IGF1R: variants seen among roughly 807,000 people sequenced by gnomAD.
IGF1R encodes insulin-like growth factor 1 receptor.
In IGF1R, 44 loss-of-function variants were observed where a neutral mutation model predicts 144.6. The observed-to-expected ratio is 0.30, with a 90% CI of 0.24 to 0.39. The LOEUF (loss-of-function observed/expected upper bound fraction) is 0.39. IGF1R is among the 10% of genes least tolerant of loss of function. The pLI is 1.00. For missense variants in IGF1R, 1,355 were observed against 1,833.7 expected (o/e 0.74, Z 4.77); for synonymous variants, 795 against 722.8 (o/e 1.10, Z -1.60).
chr15:98,658,580 C>G (rs950387634), intron 1 of IGF1R, among the ~76,000 whole-genome samples: 1 of 152,188 alleles, frequency 6.6e-6, no homozygotes, highest in Non-Finnish European at 1.5e-5. Context: ...AAGATCATAA[C>G]TTTCAAAAGG....
chr15:98,828,991 G>A (rs1414391528), intron 2 of IGF1R, among the ~76,000 whole-genome samples: 5 of 152,090 alleles, frequency 3.3e-5, no homozygotes, highest in African/African-American at 1.2e-4. Flanking sequence ...AGTTACAACT[G>A]TCGGTCTAAT....
In IGF1R at chr15:98,960,894, C is replaced by T. The variant is rs1322635379; in HGVS notation, c.*3452C>T. 6 of 233,424 alleles carry T rather than the reference C, an allele frequency of 2.6e-5. No homozygotes were observed. The highest frequency in any genetic ancestry group is 1.8e-4 in the South Asian group (1 of 5,520). The allele number at this position is 233,424 out of a possible 1,614,324, so 14.5% of individuals were successfully genotyped here. A position where few individuals can be genotyped will look rare whatever the true frequency, so the allele number is the denominator to read the frequency against. On this transcript the variant is annotated 3_prime_UTR_variant, in exon 21 of 21. Transcript: ENST00000650285. ...AAGCCCAGTGGCCGGCGCCGAGGCT[C>T]GTGGCGTCACGCCCCCCCCGCCAGG...
chr15:98,884,683 C>CAAAAAAA (rs35707888), intron 2 of IGF1R, among the ~76,000 whole-genome samples: 1 of 80,226 alleles, frequency 1.2e-5, no homozygotes, highest in Non-Finnish European at 2.3e-5. Context: ...CACTCCGTCT[C>CAAAAAAA]AAAAAAAAAA....
chr15:98,702,442 G>C (rs913457936), intron 1 of IGF1R, among the ~76,000 whole-genome samples: 4 of 152,126 alleles, frequency 2.6e-5, no homozygotes, highest in African/African-American at 9.7e-5. Flanking sequence ...CGTCTGCCTT[G>C]TGGGTTCAAG....
At chr15:98,664,671 CGA>C (rs1448867195) in intron 1 of IGF1R, among the ~76,000 whole-genome samples, 2 of 125,950 alleles carry the variant, frequency 1.6e-5, no homozygotes, top group African/African-American at 7.0e-5. Context: ...CCAGCCTGGG[CGA>C]GAGTGAGACT....
At chr15:98,897,031 C>G in intron 4 of IGF1R, 126 bp downstream of exon 4, 2 of 849,672 alleles carry the variant, frequency 2.4e-6, no homozygotes, top group Non-Finnish European at 3.9e-6. Context: ...GGTGTGTAAG[C>G]CTCACGCATG....
chr15:98,803,373 C>T (rs1447047511), intron 2 of IGF1R, among the ~76,000 whole-genome samples: 1 of 152,122 alleles, frequency 6.6e-6, no homozygotes, highest in African/African-American at 2.4e-5. Context: ...CTGTATAGGG[C>T]ACTTACTAGG....
At chr15:98,881,397 T>C (rs567296356) in intron 2 of IGF1R, among the ~76,000 whole-genome samples, 5 of 152,358 alleles carry the variant, frequency 3.3e-5, no homozygotes, top group African/African-American at 1.2e-4. Context: ...CTCAGCTCAC[T>C]GCAACCTCCG....
intron 2 of IGF1R, among the ~76,000 whole-genome samples, chr15:98,822,451 G>A (rs144990381): frequency 6.6e-5 from 10 of 152,272 alleles, no homozygotes; most frequent in African/African-American, 1.7e-4. Context: ...AAAAGATCTC[G>A]TCTTACAAGG....
intron 2 of IGF1R, among the ~76,000 whole-genome samples, chr15:98,864,931 C>T (rs2012347493): frequency 6.6e-6 from 1 of 152,294 alleles, no homozygotes; most frequent in East Asian, 1.9e-4. Context: ...GCAAGCTATA[C>T]TAAGCTTCCT....
At chr15:98,722,829 G>C (rs993508346) in intron 2 of IGF1R, among the ~76,000 whole-genome samples, 1 of 152,198 alleles carries the variant, frequency 6.6e-6, no homozygotes, top group Admixed American at 6.5e-5. Context: ...TGAGAGAGCA[G>C]GCACTGAGTG....
At chr15:98,685,775 C>T (rs1225456596) in intron 1 of IGF1R, among the ~76,000 whole-genome samples, 2 of 152,246 alleles carry the variant, frequency 1.3e-5, no homozygotes, top group African/African-American at 4.8e-5. Flanking sequence ...CGGCTCACCA[C>T]TCCACCGCAG....
At chr15:98,830,605 C>CTTTTTTTTTTTTTTTTTTTTTTTTTTT (rs60426791) in intron 2 of IGF1R, among the ~76,000 whole-genome samples, 1 of 135,980 alleles carries the variant, frequency 7.4e-6, no homozygotes, top group African/African-American at 2.8e-5. Flanking sequence ...TGATCATCAT[C>CTTTTTTTTTTTTTTTTTTTTTTTTTTT]TTTTTTTTTT....
At chr15:98,651,441 G>A (rs2052364500) in intron 1 of IGF1R, among the ~76,000 whole-genome samples, 1 of 152,154 alleles carries the variant, frequency 6.6e-6, no homozygotes, top group African/African-American at 2.4e-5. Context: ...GTGGTGGCTG[G>A]GGGGACAAAG....
chr15:98,786,377 AT>A (rs5814901), intron 2 of IGF1R, among the ~76,000 whole-genome samples: 6 of 149,470 alleles, frequency 4.0e-5, no homozygotes, highest in African/African-American at 9.8e-5. Flanking sequence ...CAGGGAGTTA[AT>A]TTTTTTTTTT....
intron 2 of IGF1R, among the ~76,000 whole-genome samples, chr15:98,875,740 G>A (rs1027795120): frequency 3.9e-5 from 6 of 152,166 alleles, no homozygotes; most frequent in African/African-American, 1.4e-4. Flanking sequence ...ATTAAAAGAT[G>A]AGGCTGTGGG....
chr15:98,691,356 TG>T (rs1467662045), intron 1 of IGF1R, among the ~76,000 whole-genome samples: 2 of 144,942 alleles, frequency 1.4e-5, no homozygotes, highest in Non-Finnish European at 3.0e-5. Context: ...AGTTGTCTCA[TG>T]GTTTTTTTTG....
At chr15:98,681,404 C>A (rs2053186178) in intron 1 of IGF1R, among the ~76,000 whole-genome samples, 1 of 152,158 alleles carries the variant, frequency 6.6e-6, no homozygotes, top group African/African-American at 2.4e-5. Flanking sequence ...ATTGCAGTCT[C>A]GTGCAATGGG....
intron 11 of IGF1R, 82 bp from the exon 12 acceptor site, chr15:98,923,794 G>A (rs970046195): frequency 2.8e-6 from 3 of 1,089,862 alleles, no homozygotes; most frequent in Non-Finnish European, 4.3e-6. Context: ...GTGGATGGGG[G>A]GGTTATTCTC....
Sources: gnomAD v4.1 joint callset for allele counts (sites outside exome capture counted in the v4.1 genomes callset) on GRCh38, gnomAD v4.1.1 for gene constraint, MANE v1.5 for transcripts, NCBI Gene and HGNC (gene_info 2026-07-23, HGNC 2026-07-21) for gene names.